The following CCDC171 variants were observed in gnomAD, a reference collection of about 807,000 sequenced individuals.
CCDC171 encodes the protein coiled-coil domain-containing protein 171.
A neutral mutation model predicts 168.2 loss-of-function variants in CCDC171; 177 were observed. The ratio of observed to expected loss-of-function variants is 1.05; its 90% CI spans 0.93 to 1.19. The LOEUF is 1.19. Ranked by LOEUF, CCDC171 falls within the 50% of genes most tolerant of loss-of-function variation. The pLI, the probability that CCDC171 is intolerant of heterozygous loss-of-function variation, is 0.00. For synonymous variants in CCDC171, 687 were observed against 540.8 expected, an observed-to-expected ratio of 1.27 and a Z score of -3.75; for missense variants, 1,991 against 1,539.0, an observed-to-expected ratio of 1.29 and a Z score of -4.91.
rs2055208347 is a variant in CCDC171 at position 15,745,537 on chromosome 9, T to C, written c.2577T>C (p.Arg859=). 6.3e-7 allele frequency: 1 copy of C among 1,578,818 alleles called. No individual in the cohort carries two copies. Residue 859 remains arginine, a synonymous_variant, in exon 18 of 26, where the codon CGT becomes CGC. Transcript: ENST00000380701. ...TAGAACATCAAAAGGAGCAGTTGCG[T>C]TGTTTACAAGCGCTCAGTTGGCTCA... The part of the protein sequence containing the change: ...KFPKHQKEQL[R]CLQALSWLTS...
At chr9:15,907,849 T>C (rs1487398121) in intron 24 of CCDC171, among the ~76,000 whole-genome samples, 2 of 152,306 alleles carry the variant, frequency 1.3e-5, no homozygotes, top group Non-Finnish European at 2.9e-5. Context: ...GCAAAGGATA[T>C]GAACAGACAC....
At chr9:16,058,435 C>A (rs181480424) in intron 1 of CCDC171, among the ~76,000 whole-genome samples, 7 of 152,238 alleles carry the variant, frequency 4.6e-5, no homozygotes, top group African/African-American at 1.7e-4. Context: ...GTATCCTCGC[C>A]GGCGTGCACA....
At chr9:16,096,163 A>G in the CCDC171 span, among the ~76,000 whole-genome samples, 1 of 152,286 alleles carries the variant, frequency 6.6e-6, no homozygotes, top group African/African-American at 2.4e-5. Flanking sequence ...TAATGAAAGA[A>G]TGAATTATTA....
At chr9:15,941,325 G>C (rs1465156903) in intron 25 of CCDC171, among the ~76,000 whole-genome samples, 1 of 151,828 alleles carries the variant, frequency 6.6e-6, no homozygotes, top group Non-Finnish European at 1.5e-5. Context: ...TTCAATACTT[G>C]GTTAACTTAT....
At position 15,666,382 on chromosome 9, in the gene CCDC171, A is replaced by G. The variant is rs994520986; in HGVS notation, c.1076+59A>G. 3.2e-5 allele frequency: 39 copies of G among 1,228,380 alleles called. No individual in the cohort carries two copies. In the East Asian group the frequency reaches 4.6e-4, roughly 14 times the overall value. 76.1% of individuals were successfully genotyped at this position (1,228,380 alleles called of 1,614,324 possible). A position where few individuals can be genotyped will look rare whatever the true frequency, so the allele number is the denominator to read the frequency against. ...CATAAAGATTTTAAAAGAGCTATAT[A>G]AAATATGAATGTATACTATGTATTT... On this transcript the variant is annotated intron_variant, in intron 9 of 25. Transcript: ENST00000380701.
chr9:15,657,259 T>C, intron 8 of CCDC171, 40 bp downstream of exon 8: 1 of 1,293,946 alleles, frequency 7.7e-7, no homozygotes, highest in Non-Finnish European at 1.1e-6. Flanking sequence ...ATTTTCTTAA[T>C]TTGTGTTATA....
At chr9:15,886,421 C>G (rs751918159) in intron 24 of CCDC171, 7 of 152,106 alleles carry the variant, frequency 4.6e-5, no homozygotes, top group Non-Finnish European at 1.0e-4. Flanking sequence ...TGAGATATCA[C>G]ATCACAACTG....
chr9:15,597,189 G>A (rs756473584), intron 6 of CCDC171, among the ~76,000 whole-genome samples: 43 of 152,096 alleles, frequency 2.8e-4, no homozygotes, highest in Admixed American at 5.2e-4. Flanking sequence ...TATGTTGAAT[G>A]GGAGTAGTGA....
intron 24 of CCDC171, among the ~76,000 whole-genome samples, chr9:15,891,861 A>T (rs78061609): frequency 1.3e-5 from 2 of 152,234 alleles, no homozygotes; most frequent in African/African-American, 4.8e-5. Flanking sequence ...CCTAATTACA[A>T]GGAGAACAAA....
intron 16 of CCDC171, among the ~76,000 whole-genome samples, chr9:15,738,669 A>C (rs1039816): frequency 1.3e-5 from 2 of 152,014 alleles, no homozygotes; most frequent in African/African-American, 4.8e-5. Context: ...CACCCTTACA[A>C]TCAAACAGGC....
At chr9:15,704,886 A>C (rs1461602427) in intron 11 of CCDC171, among the ~76,000 whole-genome samples, 1 of 152,014 alleles carries the variant, frequency 6.6e-6, no homozygotes, top group Non-Finnish European at 1.5e-5. Context: ...CTTGTGACTA[A>C]TGGGGTCTCT....
chr9:15,962,880 A>C (rs998166664), intron 25 of CCDC171, among the ~76,000 whole-genome samples: 1 of 151,184 alleles, frequency 6.6e-6, no homozygotes, highest in Non-Finnish European at 1.5e-5. Flanking sequence ...CTTATTTTAA[A>C]ATGTATATTA....
At chr9:15,683,087 A>G (rs1282504522) in intron 10 of CCDC171, among the ~76,000 whole-genome samples, 1 of 151,870 alleles carries the variant, frequency 6.6e-6, no homozygotes, top group Non-Finnish European at 1.5e-5. Flanking sequence ...ATTTCTTGAG[A>G]TTTGTTTTCC....
chr9:15,870,902 T>G (rs2062011527), intron 23 of CCDC171, among the ~76,000 whole-genome samples: 1 of 151,494 alleles, frequency 6.6e-6, no homozygotes, highest in Non-Finnish European at 1.5e-5. Flanking sequence ...GTGGATCACT[T>G]AAAATCTAGA....
intron 23 of CCDC171, among the ~76,000 whole-genome samples, chr9:15,857,399 T>G (rs533792722): frequency 6.6e-6 from 1 of 152,046 alleles, no homozygotes; most frequent in East Asian, 1.9e-4. Flanking sequence ...TAAATAGATT[T>G]TTTTTAATAT....
At chr9:16,100,224 C>T in the CCDC171 span, among the ~76,000 whole-genome samples, 6 of 152,186 alleles carry the variant, frequency 3.9e-5, no homozygotes, top group African/African-American at 1.4e-4. Flanking sequence ...AGAGGAAAAA[C>T]CTAAAAAGGG....
At chr9:15,779,488 C>T (rs1052383067) in intron 20 of CCDC171, among the ~76,000 whole-genome samples, 10 of 151,884 alleles carry the variant, frequency 6.6e-5, no homozygotes, top group African/African-American at 2.4e-4. Flanking sequence ...GCCTCCCAAG[C>T]AGCTGGGATT....
chr9:15,738,678 G>T (rs778526005), intron 16 of CCDC171, among the ~76,000 whole-genome samples: 1 of 151,870 alleles, frequency 6.6e-6, no homozygotes, highest in Non-Finnish European at 1.5e-5. Context: ...AATCAAACAG[G>T]CTTTGTTCTT....
intron 24 of CCDC171, among the ~76,000 whole-genome samples, chr9:15,890,391 C>A (rs1217358640): frequency 1.3e-5 from 2 of 152,106 alleles, no homozygotes; most frequent in African/African-American, 4.8e-5. Flanking sequence ...ATTCCTTTTC[C>A]TATAAAATGC....
Sources: gnomAD v4.1 joint callset for allele counts (sites outside exome capture counted in the v4.1 genomes callset) on GRCh38, gnomAD v4.1.1 for gene constraint, MANE v1.5 for transcripts, NCBI Gene and HGNC (gene_info 2026-07-23, HGNC 2026-07-21) for gene names.